The following GRK5 variants were observed in gnomAD, a reference collection of about 807,000 sequenced individuals.
GRK5 encodes the protein G protein-coupled receptor kinase 5.
In GRK5, 40 loss-of-function variants were observed where a neutral mutation model predicts 78.4. The ratio of observed to expected loss-of-function variants is 0.51; its 90% CI spans 0.40 to 0.66. The LOEUF (loss-of-function observed/expected upper bound fraction) is 0.66. GRK5 is among the 30% of genes least tolerant of loss of function. GRK5 has a pLI of 0.00. For missense variants in GRK5, 598 were observed against 759.9 expected, an observed-to-expected ratio of 0.79 and a Z score of 2.50; for synonymous variants, 289 against 296.8, an observed-to-expected ratio of 0.97 and a Z score of 0.27.
chr10:119,365,534 G>A (rs969202706), intron 2 of GRK5, among the ~76,000 whole-genome samples: 5 of 152,188 alleles, frequency 3.3e-5, no homozygotes, highest in African/African-American at 1.2e-4. Flanking sequence ...CCAGGCTTGG[G>A]TGGGACCCTT....
At chr10:119,402,251 A>C (rs2420618) in intron 4 of GRK5, among the ~76,000 whole-genome samples, 4 of 152,168 alleles carry the variant, frequency 2.6e-5, no homozygotes, top group African/African-American at 9.7e-5. Context: ...TGGCAGGCTC[A>C]TCTCTGGTGC....
At chr10:119,230,402 T>G (rs570693902) in intron 1 of GRK5, among the ~76,000 whole-genome samples, 11 of 152,200 alleles carry the variant, frequency 7.2e-5, no homozygotes, top group African/African-American at 2.6e-4. Context: ...GACTTACAGT[T>G]CTACGTGGCT....
rs188158609 is a variant in GRK5, at chr10:119,403,694, C to T, written c.339+6922C>T. ...TGTTGCCCAGGCTGGAGTACAATGG[C>T]GGGATCTCGGCTCACTGTAACCTCC... On this transcript the variant is annotated intron_variant, in intron 4 of 15. Transcript: ENST00000392870. 1.5e-4 allele frequency among the ~76,000 whole-genome samples: 22 copies of T among 151,480 alleles called. 1 individual carries two copies. Among genetic ancestry groups the T allele is most frequent in the Admixed American group, 9.9e-4 (15 of 15,222 alleles).
intron 1 of GRK5, among the ~76,000 whole-genome samples, chr10:119,317,462 G>T (rs1056850095): frequency 2.0e-5 from 3 of 152,018 alleles, no homozygotes; most frequent in African/African-American, 7.2e-5. Context: ...GGAGAGTTGG[G>T]GGGAAGCGGC....
intron 1 of GRK5, among the ~76,000 whole-genome samples, chr10:119,308,444 A>G (rs1205858258): frequency 6.6e-6 from 1 of 152,298 alleles, no homozygotes; most frequent in East Asian, 1.9e-4. Context: ...TCTGTGACGT[A>G]TGGGCCAGGC....
chr10:119,253,873 T>C lies in GRK5; in HGVS notation c.52+45904T>C, dbSNP rs1000332979. ...GTGTGTGTGTGTGTGTGTGTGTGTG[T>C]ACACATGTGTGTGCGTGCATGCTTT... On this transcript the variant is annotated intron_variant, in intron 1 of 15. Transcript: ENST00000392870. This position sits in a 1 kb window ranked among gnomAD's most constrained non-coding sequence, Gnocchi z 5.7. 2.1e-5 allele frequency among the ~76,000 whole-genome samples: 3 copies of C among 144,732 alleles called. No individual in the cohort carries two copies. Among genetic ancestry groups the C allele is most frequent in the African/African-American group, 7.7e-5 (3 of 38,864 alleles). The allele number at this position is 144,732 out of a possible 152,430, so 94.9% of individuals were successfully genotyped here.
intron 3 of GRK5, among the ~76,000 whole-genome samples, chr10:119,394,346 G>GTATC (rs1851973514): frequency 3.0e-5 from 3 of 100,996 alleles, no homozygotes; most frequent in Admixed American, 8.8e-5. Context: ...CTGTGTGTGG[G>GTATC]CATGTGGGTG....
In GRK5 at chr10:119,326,494, A is replaced by G. The variant is rs370069160; in HGVS notation, c.53-22A>G. The G allele has an allele frequency of 6.9e-5, 110 of 1,602,156 alleles. No individual in the cohort carries two copies. The African/African-American group carries it at 1.3e-3, about 19-fold the overall frequency. On this transcript the variant is annotated intron_variant, in intron 1 of 15. Transcript: ENST00000392870. ...GCAGGCTCTGGAGCCTCAGCCAGGC[A>G]TCTTTTTCCCCATCTCTGCAGGGGG...
rs1206153087 is a variant in GRK5 at position 119,271,644 on chromosome 10, G to A, written c.53-54872G>A. 1.3e-5 allele frequency among the ~76,000 whole-genome samples: 2 copies of A among 152,066 alleles called. No individual in the cohort carries two copies. Among genetic ancestry groups the A allele is most frequent in the African/African-American group, 2.4e-5 (1 of 41,402 alleles). The stretch of plus-strand genomic sequence containing the variant: ...GGGCTGGTGTGTGCGGGGTTTTGTC[G>A]CCACCTTTGGCAATGGAAGAGGGGA... On this transcript the variant is annotated intron_variant, in intron 1 of 15. Transcript: ENST00000392870. This position sits in a 1 kb window ranked among gnomAD's most constrained non-coding sequence, Gnocchi z 4.1.
rs558499692 is a variant in GRK5 at position 119,423,145 on chromosome 10, C to G, written c.340-21C>G. On this transcript the variant is annotated intron_variant, in intron 4 of 15. Transcript: ENST00000392870. ...GCTGCTGGCTCCTCACTGACCACCT[C>G]CCTTCCCTTCCTTCTTCCAGTCCCC... 1.2e-4 allele frequency: 189 copies of G among 1,554,546 alleles called. 2 individuals are homozygous for G. The South Asian group carries it at 2.0e-3, about 16-fold the overall frequency.
intron 1 of GRK5, among the ~76,000 whole-genome samples, chr10:119,260,206 T>G (rs1849351272): frequency 6.6e-6 from 1 of 152,148 alleles, no homozygotes; most frequent in South Asian, 2.1e-4. Flanking sequence ...TTTCATCGTG[T>G]TAGCCAGGAT....
intron 1 of GRK5, among the ~76,000 whole-genome samples, chr10:119,292,301 C>T (rs974407729): frequency 2.6e-5 from 4 of 151,150 alleles, no homozygotes; most frequent in East Asian, 1.9e-4. Flanking sequence ...TTCTCCTCCT[C>T]TTCCTCCTTC....
intron 3 of GRK5, among the ~76,000 whole-genome samples, chr10:119,393,481 A>T (rs990568218): frequency 2.0e-5 from 3 of 152,246 alleles, no homozygotes; most frequent in African/African-American, 7.2e-5. Flanking sequence ...ACCTTCACAG[A>T]TGTATTTTCG....
chr10:119,433,882 T>C (rs779993084), intron 8 of GRK5, among the ~76,000 whole-genome samples: 3 of 152,228 alleles, frequency 2.0e-5, no homozygotes, highest in Non-Finnish European at 4.4e-5. Context: ...ATTTTCACAC[T>C]GCTGATTAAG....
intron 1 of GRK5, among the ~76,000 whole-genome samples, chr10:119,220,051 T>C (rs1441800568): frequency 6.6e-6 from 1 of 152,214 alleles, no homozygotes; most frequent in Non-Finnish European, 1.5e-5. Flanking sequence ...TTTCTGCTCA[T>C]GGGCAGGGAG....
At position 119,217,366 on chromosome 10, in the gene GRK5, T is replaced by C. The variant is rs1429945951; in HGVS notation, c.52+9397T>C. Among the ~76,000 whole-genome samples, 1 of 152,248 alleles carries C rather than the reference T, an allele frequency of 6.6e-6. No individual in the cohort carries two copies. The highest frequency in any genetic ancestry group is 1.5e-5 in the Non-Finnish European group (1 of 68,050). ...TTTTAAAAGTAGAACTGTGTATCAA[T>C]ACAACTGAATCTGTGTTTGAGGACA... On this transcript the variant is annotated intron_variant, in intron 1 of 15. Coordinates refer to ENST00000392870, the MANE Select transcript of GRK5 (RefSeq NM_005308.3). The surrounding 1 kb of genome is among the most constrained non-coding windows in gnomAD (Gnocchi z 4.1).
At chr10:119,261,745 A>G (rs997288316) in intron 1 of GRK5, among the ~76,000 whole-genome samples, 13 of 152,182 alleles carry the variant, frequency 8.5e-5, no homozygotes, top group Admixed American at 2.6e-4. Flanking sequence ...AAAAAAATAC[A>G]AAAACCAGTC....
At chr10:119,225,247 C>T (rs533401717) in intron 1 of GRK5, among the ~76,000 whole-genome samples, 2 of 152,260 alleles carry the variant, frequency 1.3e-5, no homozygotes, top group South Asian at 4.1e-4. Context: ...TTTGATTATC[C>T]TACACTGTAT....
At chr10:119,453,985 A>G (rs1360496366) in intron 15 of GRK5, among the ~76,000 whole-genome samples, 3 of 152,068 alleles carry the variant, frequency 2.0e-5, no homozygotes, top group African/African-American at 7.2e-5. Flanking sequence ...TGGCCACCAT[A>G]CACCCCGTCT....
Sources: allele counts gnomAD v4.1 joint callset (sites outside exome capture counted in the v4.1 genomes callset), GRCh38; gene constraint gnomAD v4.1.1; non-coding constraint Gnocchi (gnomAD v3.1); transcripts MANE v1.5; gene names NCBI Gene and HGNC (gene_info 2026-07-23, HGNC 2026-07-21).